The following RABGAP1L variants were observed in gnomAD, a reference collection of about 807,000 sequenced individuals.
RABGAP1L encodes the protein rab GTPase-activating protein 1-like.
In RABGAP1L, 63 loss-of-function variants were observed where a neutral mutation model predicts 137.7. That is an observed-to-expected ratio of 0.46 (90% CI 0.37 to 0.56). The LOEUF (loss-of-function observed/expected upper bound fraction) is 0.56, where lower values mean the gene tolerates loss of function less well. RABGAP1L is among the 20% of genes least tolerant of loss of function. The pLI, the probability that RABGAP1L is intolerant of heterozygous loss-of-function variation, is 0.00. For synonymous variants in RABGAP1L, 431 were observed against 433.7 expected, an observed-to-expected ratio of 0.99 and a Z score of 0.08; for missense variants, 1,095 against 1,244.0, an observed-to-expected ratio of 0.88 and a Z score of 1.80.
chr1:174,267,034 C>G (rs570466572), intron 7 of RABGAP1L, among the ~76,000 whole-genome samples: 171 of 152,214 alleles, frequency 1.1e-3, no homozygotes, highest in Non-Finnish European at 2.2e-3. Context: ...TTAAGTTTCA[C>G]TAGGAACAGA....
intron 13 of RABGAP1L, among the ~76,000 whole-genome samples, chr1:174,470,283 A>G (rs1657766385): frequency 6.6e-6 from 1 of 152,196 alleles, no homozygotes; most frequent in South Asian, 2.1e-4. Flanking sequence ...CTCAAAAGCC[A>G]GTTTAGAAAA....
intron 18 of RABGAP1L, among the ~76,000 whole-genome samples, chr1:174,806,930 C>T (rs1327460294): frequency 6.6e-6 from 1 of 152,066 alleles, no homozygotes; most frequent in Non-Finnish European, 1.5e-5. Context: ...GGATTACAGG[C>T]GTGTGCCACT....
chr1:174,785,757 T>G (rs530904254), intron 18 of RABGAP1L, among the ~76,000 whole-genome samples: 24 of 152,344 alleles, frequency 1.6e-4, no homozygotes, highest in African/African-American at 5.1e-4. Flanking sequence ...TCCACCGTTA[T>G]GTGCAGACCA....
At chr1:174,710,013 A>G (rs332792) in intron 17 of RABGAP1L, among the ~76,000 whole-genome samples, 20,765 of 152,212 alleles carry the variant, frequency 0.14, 4,741 homozygotes, top group African/African-American at 0.47. Flanking sequence ...AACTTCGTGA[A>G]GCATACACAA....
At chr1:174,675,605 GT>G in intron 14 of RABGAP1L, among the ~76,000 whole-genome samples, 3 of 152,140 alleles carry the variant, frequency 2.0e-5, no homozygotes, top group African/African-American at 7.2e-5. Flanking sequence ...CTTTAAAGTA[GT>G]TTTTTCCAAT....
At chr1:174,886,491 C>T (rs1655156560) in intron 19 of RABGAP1L, among the ~76,000 whole-genome samples, 1 of 152,206 alleles carries the variant, frequency 6.6e-6, no homozygotes, top group African/African-American at 2.4e-5. Context: ...GGCTGAAATA[C>T]AGAAGCCCTC....
intron 19 of RABGAP1L, among the ~76,000 whole-genome samples, chr1:174,918,626 A>G (rs1472863627): frequency 1.3e-5 from 2 of 152,106 alleles, no homozygotes; most frequent in African/African-American, 4.8e-5. Context: ...CTAGAAAAAA[A>G]GTTTAAAAAT....
chr1:174,542,921 T>A (rs1404802414), intron 13 of RABGAP1L, among the ~76,000 whole-genome samples: 2 of 152,210 alleles, frequency 1.3e-5, no homozygotes, highest in African/African-American at 4.8e-5. Context: ...AGTTTCTTAA[T>A]CCTGAGTTCT....
intron 19 of RABGAP1L, chr1:174,877,394 G>A (rs1282963250): frequency 1.3e-6 from 2 of 1,567,470 alleles, no homozygotes; most frequent in South Asian, 2.3e-5. Flanking sequence ...GAACTCAGGT[G>A]GGTGTGTACA....
At chr1:174,777,826 T>C (rs1428438299) in intron 18 of RABGAP1L, among the ~76,000 whole-genome samples, 4 of 151,958 alleles carry the variant, frequency 2.6e-5, no homozygotes, top group African/African-American at 9.7e-5. Flanking sequence ...AACATAGCAA[T>C]TGAAACTATT....
intron 10 of RABGAP1L, among the ~76,000 whole-genome samples, chr1:174,295,303 T>C (rs1004369114): frequency 4.0e-5 from 6 of 150,972 alleles, no homozygotes; most frequent in African/African-American, 1.5e-4. Flanking sequence ...AGCCTTGAAC[T>C]CCTGGTCTCA....
chr1:174,776,389 A>T (rs149231011), intron 18 of RABGAP1L, among the ~76,000 whole-genome samples: 238 of 152,258 alleles, frequency 1.6e-3, no homozygotes, highest in African/African-American at 4.4e-3. Context: ...AATAAAAAAA[A>T]AATAATAATA....
At chr1:174,941,827 C>T (rs1169210198) in intron 19 of RABGAP1L, among the ~76,000 whole-genome samples, 3 of 152,194 alleles carry the variant, frequency 2.0e-5, no homozygotes, top group Non-Finnish European at 4.4e-5. Flanking sequence ...TTTGTGAACT[C>T]ATTCTCCTCT....
At chr1:174,278,553 T>C (rs770598259) in intron 9 of RABGAP1L, 60 bp from the exon 10 acceptor site, 235 of 1,355,014 alleles carry the variant, frequency 1.7e-4, no homozygotes, top group Non-Finnish European at 2.3e-4. Flanking sequence ...GAGGAAACTT[T>C]GTTTAAAGTA....
intron 13 of RABGAP1L, among the ~76,000 whole-genome samples, chr1:174,619,492 C>G (rs1307893414): frequency 6.6e-6 from 1 of 152,050 alleles, no homozygotes. Context: ...ATTCAACATT[C>G]TTAAAGAAAA....
At chr1:174,544,289 C>G (rs564887384) in intron 13 of RABGAP1L, among the ~76,000 whole-genome samples, 73 of 152,138 alleles carry the variant, frequency 4.8e-4, no homozygotes, top group African/African-American at 1.7e-3. Context: ...AGGCTTTGTT[C>G]ATTTCTTTTT....
At chr1:174,962,041 G>C (rs1053614318) in intron 20 of RABGAP1L, among the ~76,000 whole-genome samples, 4 of 151,842 alleles carry the variant, frequency 2.6e-5, no homozygotes, top group African/African-American at 9.7e-5. Context: ...CAGGCGTGGT[G>C]GTGGGCACCT....
At chr1:174,586,718 C>T (rs1322765682) in intron 13 of RABGAP1L, among the ~76,000 whole-genome samples, 1 of 152,126 alleles carries the variant, frequency 6.6e-6, no homozygotes, top group Non-Finnish European at 1.5e-5. Flanking sequence ...CTGCCTCAGC[C>T]TCCCAAGTAG....
intron 19 of RABGAP1L, among the ~76,000 whole-genome samples, chr1:174,852,919 A>G (rs2148992732): frequency 6.6e-6 from 1 of 152,240 alleles, no homozygotes; most frequent in Admixed American, 6.5e-5. Flanking sequence ...AAATGTTTCT[A>G]TATTGTTAGG....
Sources: gnomAD v4.1 joint callset for allele counts (sites outside exome capture counted in the v4.1 genomes callset) on GRCh38, gnomAD v4.1.1 for gene constraint, MANE v1.5 for transcripts, NCBI Gene and HGNC (gene_info 2026-07-23, HGNC 2026-07-21) for gene names.